The following PCDHGA1 variants were observed in gnomAD, a reference collection of about 807,000 sequenced individuals.
The protein encoded by PCDHGA1 is protocadherin gamma subfamily A, 1, also known as protocadherin gamma-A1.
Under a neutral mutation model 58.0 loss-of-function variants are expected in PCDHGA1, and 32 were observed. That is an observed-to-expected ratio of 0.55 (90% CI 0.42 to 0.74). The LOEUF (loss-of-function observed/expected upper bound fraction) is 0.74. Among genes scored for constraint, PCDHGA1 ranks in the 30% least tolerant of loss-of-function variants. The pLI, the probability that PCDHGA1 is intolerant of heterozygous loss-of-function variation, is 0.00. For missense variants in PCDHGA1, 1,205 were observed against 1,182.3 expected (o/e 1.02, Z -0.28); for synonymous variants, 498 against 501.1 (o/e 0.99, Z 0.08).
chr5:141,374,126 C>T, intron 1 of PCDHGA1: 1 of 1,602,982 alleles, frequency 6.2e-7, no homozygotes, highest in Middle Eastern at 1.7e-4. Flanking sequence ...CGAGCAGGTC[C>T]TGCTCCTCAC....
rs149649459 is a variant in PCDHGA1, at chr5:141,505,183, G to A, written c.2481-210G>A. ...TCTAAAACAAAAAGAAAAAAGCATC[G>A]GAGGCAGCAAAGAGCTGGTTTGAGG... On this transcript the variant is annotated intron_variant, in intron 2 of 3. Transcript: ENST00000517417. Among the ~76,000 whole-genome samples, 214 of 152,244 alleles carry A rather than the reference G, an allele frequency of 1.4e-3. 1 individual carries two copies. Among genetic ancestry groups the A allele is most frequent in the African/African-American group, 4.8e-3 (200 of 41,530 alleles).
intron 1 of PCDHGA1, chr5:141,390,281 G>A (rs995951705): frequency 1.9e-6 from 3 of 1,613,968 alleles, no homozygotes; most frequent in Middle Eastern, 1.6e-4. Context: ...CTTCCCATCA[G>A]GTGAGTTTCC....
rs2099404773 is a variant in PCDHGA1 at position 141,477,081 on chromosome 5, T to C, written c.2422-17726T>C. ...GACACCAAACTCCATGAGATTTACA[T>C]CCAGGCCAAAGACAAGGGCGCCAAT... On this transcript the variant is annotated intron_variant, in intron 1 of 3. Transcript: ENST00000517417. The surrounding 1 kb of genome is among the most constrained non-coding windows in gnomAD (Gnocchi z 4.9). 6.2e-7 allele frequency: 1 copy of C among 1,614,104 alleles called. No individual in the cohort carries two copies. Among genetic ancestry groups the C allele is most frequent in the Non-Finnish European group, 8.5e-7 (1 of 1,180,052 alleles).
chr5:141,437,794 G>A (rs1162440523), intron 1 of PCDHGA1, among the ~76,000 whole-genome samples: 3 of 150,526 alleles, frequency 2.0e-5, no homozygotes, highest in Non-Finnish European at 4.4e-5. Flanking sequence ...CTGGAGTGCA[G>A]TGGCACTATC....
chr5:141,414,330 G>A (rs1472752550), intron 1 of PCDHGA1: 2 of 1,613,714 alleles, frequency 1.2e-6, no homozygotes, highest in Non-Finnish European at 1.7e-6. Flanking sequence ...AGAATGGACA[G>A]GTAACCTGTT....
At chr5:141,376,367 G>A in intron 1 of PCDHGA1, 1 of 1,614,224 alleles carries the variant, frequency 6.2e-7, no homozygotes, top group Non-Finnish European at 8.5e-7. Context: ...ACTCACTGCA[G>A]ACTCGCGTAA....
Position 141,511,267 on chromosome 5 carries a change from C to T in PCDHGA1, c.*94C>T, listed in dbSNP as rs1223074819. 1.3e-6 allele frequency: 2 copies of T among 1,549,404 alleles called. No homozygotes were observed. Among genetic ancestry groups the T allele is most frequent in the Non-Finnish European group, 1.7e-6 (2 of 1,146,836 alleles). On this transcript the variant is annotated 3_prime_UTR_variant, in exon 4 of 4. Transcript: ENST00000517417. ...CCAGGCCTCAGAGTTTCAGGGCTAA[C>T]CCCCAGAATACTGGTAGGGGCCAAG...
In PCDHGA1 at chr5:141,405,345, A is replaced by G. The variant is rs758657243; in HGVS notation, c.2421+72240A>G. 3 of 1,613,944 alleles carry G rather than the reference A, an allele frequency of 1.9e-6. No homozygotes were observed. In the South Asian group the frequency reaches 3.3e-5, roughly 18 times the overall value. On this transcript the variant is annotated intron_variant, in intron 1 of 3. Coordinates refer to ENST00000517417, the MANE Select transcript of PCDHGA1 (RefSeq NM_018912.3). ...CCTTTGTGCGTCTCTGTTGATTCCA[A>G]GTTTCCTATAGAAGACACCCCTTTG...
chr5:141,444,640 G>A (rs192148868), intron 1 of PCDHGA1, among the ~76,000 whole-genome samples: 3 of 152,196 alleles, frequency 2.0e-5, no homozygotes, highest in Non-Finnish European at 2.9e-5. Flanking sequence ...GTTCATTGAG[G>A]TAGGGGTTGA....
Position 141,477,514 on chromosome 5 carries a change from T to G in PCDHGA1, c.2422-17293T>G. 1 of 1,614,114 alleles carries G rather than the reference T, an allele frequency of 6.2e-7. No individual in the cohort carries two copies. Among genetic ancestry groups the G allele is most frequent in the Non-Finnish European group, 8.5e-7 (1 of 1,180,026 alleles). On this transcript the variant is annotated intron_variant, in intron 1 of 3. Coordinates refer to ENST00000517417, the MANE Select transcript of PCDHGA1 (RefSeq NM_018912.3). The surrounding 1 kb of genome is among the most constrained non-coding windows in gnomAD (Gnocchi z 4.9). Reference sequence around the variant, plus strand: ...CTCAATCTTCCTACGACGTTTACATTGAAGAAAACAACCTCCCCGGGGCTC... The same window carrying G: ...CTCAATCTTCCTACGACGTTTACATGGAAGAAAACAACCTCCCCGGGGCTC...
intron 1 of PCDHGA1, among the ~76,000 whole-genome samples, chr5:141,484,535 A>G (rs2099597486): frequency 6.6e-6 from 1 of 152,178 alleles, no homozygotes. Flanking sequence ...AGTATATGGC[A>G]GTGGTTCTAA....
chr5:141,383,162 G>T (rs1778883191), intron 1 of PCDHGA1: 1 of 1,614,006 alleles, frequency 6.2e-7, no homozygotes, highest in Non-Finnish European at 8.5e-7. Context: ...GTCACTGCGG[G>T]CAGGATAGAC....
intron 1 of PCDHGA1, chr5:141,421,750 C>G: frequency 6.2e-7 from 1 of 1,613,906 alleles, no homozygotes; most frequent in East Asian, 2.2e-5. Flanking sequence ...CCAGCTCAGC[C>G]CTAATAATTA....
intron 1 of PCDHGA1, chr5:141,357,022 C>G (rs1318663239): frequency 6.2e-7 from 1 of 1,614,150 alleles, no homozygotes; most frequent in South Asian, 1.1e-5. Flanking sequence ...GTCCTACAGC[C>G]TACTCAAGTC....
intron 1 of PCDHGA1, among the ~76,000 whole-genome samples, chr5:141,451,302 G>T (rs1445994098): frequency 6.6e-6 from 1 of 152,208 alleles, no homozygotes; most frequent in Non-Finnish European, 1.5e-5. Context: ...GTCTTACAAG[G>T]CAGCAATTAA....
At position 141,431,424 on chromosome 5, in the gene PCDHGA1, G is replaced by A; in HGVS notation, c.2422-63383G>A. The A allele has an allele frequency of 1.9e-6, 3 of 1,613,676 alleles. No individual in the cohort carries two copies. The highest frequency in any genetic ancestry group is 2.5e-6 in the Non-Finnish European group (3 of 1,180,028). On this transcript the variant is annotated intron_variant, in intron 1 of 3. Coordinates refer to ENST00000517417, the MANE Select transcript of PCDHGA1 (RefSeq NM_018912.3). The surrounding 1 kb of genome is among the most constrained non-coding windows in gnomAD (Gnocchi z 4.8). ...GCCTCCGACGGGGGCGACCCGGTGC[G>A]CACAGGCACCGCGCGCATCCGCGTG... is the stretch of plus-strand genomic sequence containing the variant.
At chr5:141,360,315 C>T (rs747029158) in intron 1 of PCDHGA1, 2 of 1,613,966 alleles carry the variant, frequency 1.2e-6, no homozygotes, top group Admixed American at 1.7e-5. Flanking sequence ...GCGTCCGGGA[C>T]TTGCCAGCCC....
At chr5:141,371,831 C>G (rs374832321) in intron 1 of PCDHGA1, 7 of 1,613,652 alleles carry the variant, frequency 4.3e-6, no homozygotes, top group Non-Finnish European at 5.1e-6. Flanking sequence ...CCTCGGATCC[C>G]GACTTGGGAC....
At chr5:141,426,665 T>A in intron 1 of PCDHGA1, 1 of 429,940 alleles carries the variant, frequency 2.3e-6, no homozygotes, top group South Asian at 1.6e-5. Context: ...ATATAAATGA[T>A]AACCCACCTC....
Sources: gnomAD v4.1 joint callset for allele counts (sites outside exome capture counted in the v4.1 genomes callset) on GRCh38, gnomAD v4.1.1 for gene constraint, Gnocchi (gnomAD v3.1) non-coding constraint, MANE v1.5 for transcripts, NCBI Gene and HGNC (gene_info 2026-07-23, HGNC 2026-07-21) for gene names.